The following AKIRIN1 variants were observed in gnomAD, a reference collection of about 807,000 sequenced individuals.
AKIRIN1 encodes the protein akirin 1.
Under a neutral mutation model 25.9 loss-of-function variants are expected in AKIRIN1, and 4 were observed. The observed-to-expected ratio is 0.15, with a 90% confidence interval of 0.08 to 0.35. The LOEUF is 0.35. Ranked by LOEUF, AKIRIN1 falls within the 10% of genes least tolerant of loss-of-function variation. AKIRIN1 has a pLI of 1.00. For synonymous variants in AKIRIN1, 125 were observed against 105.1 expected, an observed-to-expected ratio of 1.19 and a Z score of -1.16; for missense variants, 243 against 266.1, an observed-to-expected ratio of 0.91 and a Z score of 0.61.
rs972866622 is a variant in AKIRIN1 at position 39,005,130 on chromosome 1, A to G, written c.*1075A>G. ...AGACCACCCTGGCCAATATGGTGAA[A>G]CCCCATCTCTACTAAAAATACAACA... On this transcript the variant is annotated 3_prime_UTR_variant, in exon 5 of 5. Coordinates refer to ENST00000432648, the MANE Select transcript of AKIRIN1 (RefSeq NM_024595.3). The G allele has an allele frequency of 6.6e-6, 1 of 152,084 alleles. No homozygotes were observed. The highest frequency in any genetic ancestry group is 1.5e-5 in the Non-Finnish European group (1 of 68,022). The allele number at this position is 152,084 out of a possible 1,614,324, so 9.4% of individuals were successfully genotyped here. A position where few individuals can be genotyped will look rare whatever the true frequency, so the allele number is the denominator to read the frequency against.
intron 1 of AKIRIN1, among the ~76,000 whole-genome samples, chr1:38,996,106 G>GT (rs1414022600): frequency 1.3e-5 from 2 of 152,004 alleles, no homozygotes; most frequent in South Asian, 2.1e-4. Flanking sequence ...GTTTTGTTTT[G>GT]TTTTTTGAGA....
intron 1 of AKIRIN1, among the ~76,000 whole-genome samples, chr1:38,991,837 G>C (rs1481491702): frequency 6.6e-6 from 1 of 152,158 alleles, no homozygotes. Context: ...GAGCCTGGAG[G>C]GGTGGACACC....
chr1:39,003,972 T>C, intron 4 of AKIRIN1, 73 bp from the exon 5 acceptor site: 1 of 1,356,530 alleles, frequency 7.4e-7, no homozygotes, highest in Non-Finnish European at 1.0e-6. Context: ...TTACTGTTAG[T>C]GAAAATTTTT....
chr1:39,004,558 A>C lies in AKIRIN1; in HGVS notation c.*503A>C, dbSNP rs759045345. On this transcript the variant is annotated 3_prime_UTR_variant, in exon 5 of 5. Coordinates refer to ENST00000432648, the MANE Select transcript of AKIRIN1 (RefSeq NM_024595.3). ...ATCATTAATGTTTTGTGACCATACA[A>C]GTTGTAACAGTGGATTGTTTTTATG... 1.3e-5 allele frequency: 3 copies of C among 225,434 alleles called. No homozygotes were observed. Among genetic ancestry groups the C allele is most frequent in the African/African-American group, 2.4e-5 (1 of 42,540 alleles). 14.0% of individuals were successfully genotyped at this position (225,434 alleles called of 1,614,324 possible). A position where few individuals can be genotyped will look rare whatever the true frequency, so the allele number is the denominator to read the frequency against.
At chr1:39,002,227 G>A (rs905809685) in intron 3 of AKIRIN1, among the ~76,000 whole-genome samples, 2 of 152,312 alleles carry the variant, frequency 1.3e-5, no homozygotes, top group Non-Finnish European at 2.9e-5. Context: ...TTTATGGGCA[G>A]CTTTCATGCT....
At position 38,993,107 on chromosome 1, in the gene AKIRIN1, G is replaced by C. The variant is rs1570970120; in HGVS notation, c.220+1507G>C. 2.0e-5 allele frequency among the ~76,000 whole-genome samples: 3 copies of C among 152,168 alleles called. No homozygotes were observed. The South Asian group carries it at 6.2e-4, about 32-fold the overall frequency. ...CTTCTGCAAATTGGAGTTCATACTT[G>C]CGCTATCTTTTGTTGAAGAACCCTC... is the stretch of plus-strand genomic sequence containing the variant. On this transcript the variant is annotated intron_variant, in intron 1 of 4. Coordinates refer to ENST00000432648, the MANE Select transcript of AKIRIN1 (RefSeq NM_024595.3).
At chr1:39,001,223 G>A (rs1643988751) in intron 3 of AKIRIN1, 117 bp downstream of exon 3, 5 of 1,234,298 alleles carry the variant, frequency 4.1e-6, no homozygotes, top group Non-Finnish European at 5.5e-6. Context: ...ATTGAGTTGC[G>A]GGTATGGAAG....
At chr1:39,003,284 A>T in intron 3 of AKIRIN1, 63 bp from the exon 4 acceptor site, 2 of 1,501,288 alleles carry the variant, frequency 1.3e-6, no homozygotes, top group Non-Finnish European at 1.9e-6. Flanking sequence ...TGTGATCCTG[A>T]CGCTTGATTC....
chr1:38,991,342 AC>A lies in AKIRIN1; in HGVS notation c.-37del. On this transcript the variant is annotated 5_prime_UTR_variant, in exon 1 of 5. Coordinates refer to ENST00000432648, the MANE Select transcript of AKIRIN1 (RefSeq NM_024595.3). Reference sequence around the variant, plus strand: ...CTGAGGAGCCTCTTGGGCCGCACTTACCGCCGCGTCCGCTCCCGGTCCCTGG... The same window carrying A: ...CTGAGGAGCCTCTTGGGCCGCACTTACGCCGCGTCCGCTCCCGGTCCCTGG... 1.5e-6 allele frequency: 2 copies of A among 1,331,204 alleles called. No individual in the cohort carries two copies. The highest frequency in any genetic ancestry group is 9.6e-7 in the Non-Finnish European group (1 of 1,042,408). The allele number at this position is 1,331,204 out of a possible 1,614,324, so 82.5% of individuals were successfully genotyped here. A position where few individuals can be genotyped will look rare whatever the true frequency, so the allele number is the denominator to read the frequency against.
At chr1:38,996,017 G>A (rs1643945663) in intron 1 of AKIRIN1, among the ~76,000 whole-genome samples, 1 of 152,160 alleles carries the variant, frequency 6.6e-6, no homozygotes. Flanking sequence ...CTGGGCGACA[G>A]GGTAAGACTC....
intron 1 of AKIRIN1, among the ~76,000 whole-genome samples, chr1:38,993,943 G>A (rs1643927844): frequency 6.6e-6 from 1 of 151,216 alleles, no homozygotes; most frequent in Admixed American, 6.6e-5. Flanking sequence ...GGTGGTGCAT[G>A]CCTGTAATCC....
intron 1 of AKIRIN1, among the ~76,000 whole-genome samples, chr1:38,995,926 C>A (rs1293928686): frequency 2.6e-5 from 4 of 152,106 alleles, no homozygotes; most frequent in African/African-American, 9.7e-5. Context: ...CCAAACTACT[C>A]TGGAGGCTGA....
chr1:38,994,102 G>C (rs1359761773), intron 1 of AKIRIN1, among the ~76,000 whole-genome samples: 1 of 152,010 alleles, frequency 6.6e-6, no homozygotes, highest in Non-Finnish European at 1.5e-5. Context: ...AATTAGCTGG[G>C]CAATTTTTCT....
At chr1:39,000,345 C>CTTTTT (rs3078308) in intron 2 of AKIRIN1, among the ~76,000 whole-genome samples, 2 of 128,316 alleles carry the variant, frequency 1.6e-5, no homozygotes, top group African/African-American at 2.9e-5. Context: ...TTTTCTTTTT[C>CTTTTT]TTTTTTTTTT....
intron 2 of AKIRIN1, among the ~76,000 whole-genome samples, chr1:39,000,298 A>G (rs556273414): frequency 2.0e-5 from 3 of 151,060 alleles, no homozygotes; most frequent in African/African-American, 4.9e-5. Context: ...ACTGAATTCA[A>G]ATCTTCTGTG....
intron 1 of AKIRIN1, among the ~76,000 whole-genome samples, chr1:38,994,630 C>T: frequency 6.7e-6 from 1 of 149,648 alleles, no homozygotes; most frequent in African/African-American, 2.5e-5. Flanking sequence ...CTCAGCCTCC[C>T]CAGTGGCTGG....
In AKIRIN1 at chr1:38,991,484, C is replaced by T. The variant is rs1005195400; in HGVS notation, c.104C>T (p.Thr35Ile). 1 of 1,442,602 alleles carries T rather than the reference C, an allele frequency of 6.9e-7. No individual in the cohort carries two copies. Among genetic ancestry groups the T allele is most frequent in the Non-Finnish European group, 9.1e-7 (1 of 1,102,622 alleles). The allele number at this position is 1,442,602 out of a possible 1,614,324, so 89.4% of individuals were successfully genotyped here. A position where few individuals can be genotyped will look rare whatever the true frequency, so the allele number is the denominator to read the frequency against. The change falls in exon 1 of 5, where the codon ACT becomes ATT. Residue 35 changes from threonine (T) to isoleucine (I), a missense_variant. Thr to Ile is a moderately conservative substitution (Grantham distance 89, BLOSUM62 -1). Coordinates refer to ENST00000432648, the MANE Select transcript of AKIRIN1 (RefSeq NM_024595.3). ...CGCTGCGCCCCTCTGCCCGGCCCCA[C>T]TCCGGGCCTCAGGCCCCCGGACGCC... Reference protein sequence around the residue: ...RRRCAPLPGPTPGLRPPDAEP... With the variant: ...RRRCAPLPGPIPGLRPPDAEP...
At chr1:38,998,065 G>T in intron 1 of AKIRIN1, 106 bp from the exon 2 acceptor site, 1 of 1,239,588 alleles carries the variant, frequency 8.1e-7, no homozygotes, top group Non-Finnish European at 1.1e-6. Flanking sequence ...GCCAAAGGGA[G>T]TATCTAAAGT....
At chr1:39,000,351 T>C (rs1347141971) in intron 2 of AKIRIN1, among the ~76,000 whole-genome samples, 5 of 149,790 alleles carry the variant, frequency 3.3e-5, no homozygotes, top group African/African-American at 9.8e-5. Flanking sequence ...TTTTCTTTTT[T>C]TTTTTTTTTT....
Sources: gnomAD v4.1 joint callset for allele counts (sites outside exome capture counted in the v4.1 genomes callset) on GRCh38, gnomAD v4.1.1 for gene constraint, MANE v1.5 for transcripts, NCBI Gene and HGNC (gene_info 2026-07-23, HGNC 2026-07-21) for gene names.